The following RNF152 variants were observed in gnomAD, a reference collection of about 807,000 sequenced individuals.
RNF152 encodes the protein E3 ubiquitin-protein ligase RNF152.
In RNF152, 11 loss-of-function variants were observed where a neutral mutation model predicts 12.7. The observed-to-expected ratio is 0.86, with a 90% CI of 0.54 to 1.43. The LOEUF (loss-of-function observed/expected upper bound fraction) is 1.43. RNF152 is among the 40% of genes most tolerant of loss of function. The pLI, the probability that RNF152 is intolerant of heterozygous loss-of-function variation, is 0.00. For synonymous variants in RNF152, 113 were observed against 120.3 expected (o/e 0.94, Z 0.40); for missense variants, 255 against 274.8 (o/e 0.93, Z 0.51).
intron 1 of RNF152, among the ~76,000 whole-genome samples, chr18:61,882,113 T>A (rs184579269): frequency 2.6e-5 from 4 of 152,176 alleles, no homozygotes; most frequent in African/African-American, 9.7e-5. Context: ...GAAATTCTCA[T>A]TGGAGAATTT....
intron 1 of RNF152, among the ~76,000 whole-genome samples, chr18:61,867,462 AAG>A (rs1447646281): frequency 6.6e-6 from 1 of 152,066 alleles, no homozygotes; most frequent in Non-Finnish European, 1.5e-5. Flanking sequence ...AAAAAAAAAA[AAG>A]AGATGACAAA....
At chr18:61,844,106 G>GAA (rs200205280) in intron 1 of RNF152, among the ~76,000 whole-genome samples, 14 of 138,912 alleles carry the variant, frequency 1.0e-4, no homozygotes, top group Middle Eastern at 3.9e-3. Flanking sequence ...AAGAAAGAAA[G>GAA]AAAGAAAGAA....
At chr18:61,878,598 T>C (rs1912320048) in intron 1 of RNF152, among the ~76,000 whole-genome samples, 4 of 152,236 alleles carry the variant, frequency 2.6e-5, no homozygotes, top group Admixed American at 2.6e-4. Flanking sequence ...GATTGGGTGA[T>C]TTATAAATAA....
intron 1 of RNF152, among the ~76,000 whole-genome samples, chr18:61,844,143 T>TGAAAGAAAGAAAAA (rs1910629461): frequency 2.0e-5 from 1 of 49,958 alleles, no homozygotes; most frequent in Non-Finnish European, 4.8e-5. Context: ...AGAAAGAAAT[T>TGAAAGAAAGAAAAA]AAGAGAAAAG....
intron 1 of RNF152, among the ~76,000 whole-genome samples, chr18:61,819,651 C>T (rs1909280320): frequency 6.6e-6 from 1 of 152,096 alleles, no homozygotes; most frequent in South Asian, 2.1e-4. Flanking sequence ...AAGAGAAATA[C>T]AATGAGTTCT....
intron 1 of RNF152, among the ~76,000 whole-genome samples, chr18:61,831,487 C>T (rs1332963295): frequency 6.6e-6 from 1 of 152,180 alleles, no homozygotes; most frequent in East Asian, 1.9e-4. Context: ...CCTGCTCTTA[C>T]TGTCTCCCTT....
intron 1 of RNF152, among the ~76,000 whole-genome samples, chr18:61,854,790 A>G (rs2144701930): frequency 6.6e-6 from 1 of 152,326 alleles, no homozygotes; most frequent in Middle Eastern, 3.4e-3. Context: ...GAAGTAAACA[A>G]GCCAAGCAAA....
intron 1 of RNF152, among the ~76,000 whole-genome samples, chr18:61,871,930 C>T (rs1184324049): frequency 6.6e-6 from 1 of 152,098 alleles, no homozygotes; most frequent in Non-Finnish European, 1.5e-5. Flanking sequence ...ATATTAAGGG[C>T]AGTATATGGG....
intron 1 of RNF152, among the ~76,000 whole-genome samples, chr18:61,867,265 A>G (rs1911776418): frequency 6.6e-6 from 1 of 152,212 alleles, no homozygotes; most frequent in African/African-American, 2.4e-5. Context: ...AGCCTGGCCA[A>G]CATGGCGAGG....
chr18:61,881,198 C>T (rs1450234652), intron 1 of RNF152, among the ~76,000 whole-genome samples: 1 of 152,160 alleles, frequency 6.6e-6, no homozygotes, highest in Non-Finnish European at 1.5e-5. Context: ...AGGTGTGATC[C>T]ACCGCACCCG....
rs542190507 is a variant in RNF152 at position 61,827,205 on chromosome 18, T to C, written c.-135-10607A>G. Among the ~76,000 whole-genome samples the C allele has an allele frequency of 3.3e-5, 5 of 152,332 alleles. No homozygotes were observed. The South Asian group carries it at 1.0e-3, about 32-fold the overall frequency. ...TGCATAGCTATAGCAGGCCACAAAG[T>C]AGCTGAATAAATTTCGATTTGGCCA... On this transcript the variant is annotated intron_variant, in intron 1 of 1. Transcript: ENST00000312828.
chr18:61,881,246 A>G (rs1912452138), intron 1 of RNF152, among the ~76,000 whole-genome samples: 1 of 152,140 alleles, frequency 6.6e-6, no homozygotes, highest in Non-Finnish European at 1.5e-5. Flanking sequence ...CACTGTAATC[A>G]GCTTGGGGAA....
intron 1 of RNF152, among the ~76,000 whole-genome samples, chr18:61,880,160 T>C (rs141253447): frequency 6.6e-6 from 1 of 152,218 alleles, no homozygotes; most frequent in East Asian, 1.9e-4. Context: ...ACTCAGGTAA[T>C]AGCCAGAAAT....
At chr18:61,843,137 G>C (rs1297467299) in intron 1 of RNF152, among the ~76,000 whole-genome samples, 2 of 152,202 alleles carry the variant, frequency 1.3e-5, no homozygotes, top group African/African-American at 2.4e-5. Flanking sequence ...AAGGATTTTA[G>C]AATGCCAGGT....
At chr18:61,839,132 T>C (rs983263508) in intron 1 of RNF152, among the ~76,000 whole-genome samples, 3 of 152,096 alleles carry the variant, frequency 2.0e-5, no homozygotes, top group Admixed American at 6.5e-5. Flanking sequence ...GAGGTCCCGT[T>C]ATCCCCATAT....
Position 61,834,268 on chromosome 18 carries a change from T to C in RNF152, c.-135-17670A>G, listed in dbSNP as rs970751643. On this transcript the variant is annotated intron_variant, in intron 1 of 1. Transcript: ENST00000312828. Reference sequence around the variant, plus strand: ...GGAACCAAAAAAGAGAAGGACAGCATCCCAAGCTAAGAGAAAGAATGGCTT... The same window carrying C: ...GGAACCAAAAAAGAGAAGGACAGCACCCCAAGCTAAGAGAAAGAATGGCTT... 2.0e-5 allele frequency among the ~76,000 whole-genome samples: 3 copies of C among 152,220 alleles called. No individual in the cohort carries two copies. In the East Asian group the frequency reaches 5.8e-4, roughly 29 times the overall value.
intron 1 of RNF152, among the ~76,000 whole-genome samples, chr18:61,846,238 T>C (rs1442969821): frequency 6.6e-6 from 1 of 152,196 alleles, no homozygotes; most frequent in East Asian, 1.9e-4. Context: ...TGCCTTTTCC[T>C]CAATCTTTTC....
At chr18:61,880,013 T>A (rs1315535582) in intron 1 of RNF152, among the ~76,000 whole-genome samples, 1 of 151,914 alleles carries the variant, frequency 6.6e-6, no homozygotes. Flanking sequence ...TAGTAGTGTA[T>A]TCCGAAAAAT....
chr18:61,849,103 A>G (rs1302617060), intron 1 of RNF152, among the ~76,000 whole-genome samples: 1 of 152,164 alleles, frequency 6.6e-6, no homozygotes, highest in Non-Finnish European at 1.5e-5. Context: ...GTCAACCCGT[A>G]CTATGACTCC....
Sources: allele counts gnomAD v4.1 joint callset (sites outside exome capture counted in the v4.1 genomes callset), GRCh38; gene constraint gnomAD v4.1.1; transcripts MANE v1.5; gene names NCBI Gene and HGNC (gene_info 2026-07-23, HGNC 2026-07-21).